DMD: variants seen among roughly 807,000 people sequenced by gnomAD.
DMD encodes the protein mutant dystrophin.
In DMD, 63 loss-of-function variants were observed where a neutral mutation model predicts 330.1. The ratio of observed to expected loss-of-function variants is 0.19; its 90% CI spans 0.16 to 0.24. DMD has a LOEUF of 0.24. Among genes scored for constraint, DMD ranks in the 10% least tolerant of loss-of-function variants. The pLI is 1.00. For synonymous variants in DMD, 1,223 were observed against 959.8 expected (o/e 1.27, Z -5.07); for missense variants, 3,344 against 2,684.1 (o/e 1.25, Z -5.43).
chrX:32,362,231 G>A (rs2097838913), intron 37 of DMD, among the ~76,000 whole-genome samples: 1 of 110,908 alleles, frequency 9.0e-6, no homozygotes, highest in Non-Finnish European at 1.9e-5. Context: ...TTTTGTCACA[G>A]TGTCTACAAC....
At chrX:32,546,249 G>C (rs1357594803) in intron 16 of DMD, among the ~76,000 whole-genome samples, 1 of 106,418 alleles carries the variant, frequency 9.4e-6, no homozygotes, top group Admixed American at 1.1e-4. Context: ...CGATTGTAAC[G>C]TTACCTCTTG....
chrX:31,321,607 A>AAAAGAAAG (rs1556500803), intron 62 of DMD, among the ~76,000 whole-genome samples: 1,445 of 88,612 alleles, frequency 0.016, 51 homozygotes, highest in African/African-American at 0.041. Context: ...AAAAAAAAAA[A>AAAAGAAAG]AAAGAAAGAA....
chrX:32,154,161 A>G (rs990692196), intron 44 of DMD, among the ~76,000 whole-genome samples: 4 of 111,220 alleles, frequency 3.6e-5, no homozygotes, highest in Non-Finnish European at 7.5e-5. Context: ...ATTAAAACAC[A>G]GCATACACCA....
intron 1 of DMD, among the ~76,000 whole-genome samples, chrX:33,142,676 G>A (rs139079313): frequency 0.017 from 1,902 of 112,204 alleles, 40 homozygotes; most frequent in African/African-American, 0.058. Flanking sequence ...CAAAGATAAG[G>A]TTAATGGAAT....
chrX:32,818,823 C>A (rs1411522218), intron 5 of DMD, among the ~76,000 whole-genome samples: 3 of 109,667 alleles, frequency 2.7e-5, no homozygotes, highest in Non-Finnish European at 5.7e-5. Context: ...CAACCCACTA[C>A]TATTGACTGA....
At position 33,250,085 on chromosome X, in the gene DMD, T is replaced by TTATATATATATATA. The variant is rs560212408; in HGVS notation, c.7+89160_7+89173dup. 2.7e-3 allele frequency among the ~76,000 whole-genome samples: 202 copies of TTATATATATATATA among 75,376 alleles called. 4 individuals are homozygous for TTATATATATATATA. Among genetic ancestry groups the TTATATATATATATA allele is most frequent in the Middle Eastern group, 0.013 (2 of 155 alleles). 65.5% of individuals were successfully genotyped at this position (75,376 alleles called of 115,157 possible). ...AGCCCACATAGTAGTAAACTATTCA[T>TTATATATATATATA]TATATATATATATATATATATATAT... On this transcript the variant is annotated intron_variant, in intron 1 of 17. Coordinates refer to the DMD transcript ENST00000288447.
At chrX:31,257,629 G>C (rs903430123) in intron 63 of DMD, among the ~76,000 whole-genome samples, 1 of 108,661 alleles carries the variant, frequency 9.2e-6, no homozygotes. Flanking sequence ...AGTGCTGGTA[G>C]TTAATCTTAT....
chrX:31,693,319 T>C (rs932945685), intron 52 of DMD, among the ~76,000 whole-genome samples: 1 of 111,637 alleles, frequency 9.0e-6, no homozygotes, highest in Non-Finnish European at 1.9e-5. Flanking sequence ...GCTAACATCA[T>C]GCACAACAGT....
chrX:32,821,094 G>A (rs1362736059), intron 5 of DMD, among the ~76,000 whole-genome samples: 1 of 110,912 alleles, frequency 9.0e-6, no homozygotes, highest in Non-Finnish European at 1.9e-5. Context: ...ATTCTTTGTT[G>A]CCAGCACATA....
chrX:32,152,725 G>C (rs987855112), intron 44 of DMD, among the ~76,000 whole-genome samples: 3 of 111,556 alleles, frequency 2.7e-5, no homozygotes, highest in Non-Finnish European at 5.7e-5. Flanking sequence ...TATTGAAATT[G>C]TAAAATCAAG....
chrX:33,108,202 A>G (rs982668808), intron 1 of DMD, among the ~76,000 whole-genome samples: 3 of 110,083 alleles, frequency 2.7e-5, no homozygotes, highest in African/African-American at 9.9e-5. Context: ...TCTACTTTAC[A>G]TACAAGCAAA....
chrX:31,408,549 C>T (rs1020734636), intron 60 of DMD, among the ~76,000 whole-genome samples: 1 of 110,426 alleles, frequency 9.1e-6, no homozygotes, highest in Non-Finnish European at 1.9e-5. Flanking sequence ...CAGGTACGCA[C>T]CATCATATCC....
At chrX:32,886,410 A>G (rs1308130875) in intron 2 of DMD, among the ~76,000 whole-genome samples, 2 of 111,222 alleles carry the variant, frequency 1.8e-5, no homozygotes, top group Non-Finnish European at 3.8e-5. Flanking sequence ...CTGGCTGGGC[A>G]CGGTGGCTCA....
At chrX:32,415,027 A>G (rs937969284) in intron 29 of DMD, among the ~76,000 whole-genome samples, 1 of 111,637 alleles carries the variant, frequency 9.0e-6, no homozygotes, top group Admixed American at 9.5e-5. Flanking sequence ...AAAGAAATGG[A>G]TCTCTAGTGA....
intron 43 of DMD, among the ~76,000 whole-genome samples, chrX:32,222,945 T>C (rs1444275545): frequency 8.9e-6 from 1 of 111,875 alleles, no homozygotes; most frequent in Non-Finnish European, 1.9e-5. Flanking sequence ...TGAAACATAA[T>C]ATAGGGAACC....
chrX:31,435,360 T>C (rs1429374726), intron 60 of DMD, among the ~76,000 whole-genome samples: 1 of 111,942 alleles, frequency 8.9e-6, no homozygotes, highest in African/African-American at 3.2e-5. Context: ...GCTGTACTTC[T>C]GATATAAGAA....
chrX:32,259,266 A>G (rs183066700), intron 43 of DMD, among the ~76,000 whole-genome samples: 1 of 110,785 alleles, frequency 9.0e-6, no homozygotes, highest in East Asian at 2.9e-4. Flanking sequence ...CATATCATAT[A>G]GCGACTGATA....
intron 51 of DMD, among the ~76,000 whole-genome samples, chrX:31,763,970 G>T (rs1162870320): frequency 9.0e-6 from 1 of 110,716 alleles, no homozygotes; most frequent in African/African-American, 3.3e-5. Flanking sequence ...CGAACTCCTG[G>T]GCCCAAGAGA....
At chrX:31,223,003 C>T (rs779325432) in intron 64 of DMD, 44 bp downstream of exon 64, 1 of 1,134,458 alleles carries the variant, frequency 8.8e-7, no homozygotes, top group Admixed American at 2.2e-5. Context: ...TTATTCTAAG[C>T]AAAGACATAG....
Sources: allele counts gnomAD v4.1 joint callset (sites outside exome capture counted in the v4.1 genomes callset), GRCh38; gene constraint gnomAD v4.1.1; transcripts MANE v1.5; gene names NCBI Gene and HGNC (gene_info 2026-07-23, HGNC 2026-07-21).